TEK: variants seen among roughly 807,000 people sequenced by gnomAD.
The protein encoded by TEK is TEK receptor tyrosine kinase, also known as angiopoietin-1 receptor.
TEK carries 43 observed loss-of-function variants against 131.8 expected under a neutral mutation model. The observed-to-expected ratio is 0.33, with a 90% CI of 0.26 to 0.42. TEK has a LOEUF of 0.42. Among genes scored for constraint, TEK ranks in the 10% least tolerant of loss-of-function variants. TEK has a pLI of 1.00. For synonymous variants in TEK, 580 were observed against 491.6 expected, an observed-to-expected ratio of 1.18 and a Z score of -2.38; for missense variants, 1,162 against 1,384.4, an observed-to-expected ratio of 0.84 and a Z score of 2.55.
chr9:27,116,373 C>T (rs1016858322), intron 1 of TEK, among the ~76,000 whole-genome samples: 1 of 152,048 alleles, frequency 6.6e-6, no homozygotes, highest in Admixed American at 6.6e-5. Flanking sequence ...GCTGCAAGCT[C>T]CACCTCCCCG....
At chr9:27,170,307 A>G (rs1214405206) in intron 4 of TEK, among the ~76,000 whole-genome samples, 1 of 152,152 alleles carries the variant, frequency 6.6e-6, no homozygotes, top group Non-Finnish European at 1.5e-5. Flanking sequence ...AAACCATACC[A>G]GACGGGGACA....
chr9:27,114,270 C>T (rs550189244), intron 1 of TEK, among the ~76,000 whole-genome samples: 7 of 152,224 alleles, frequency 4.6e-5, no homozygotes, highest in Admixed American at 2.0e-4. Flanking sequence ...TCAGTAACAT[C>T]GAAATAATAA....
chr9:27,182,599 C>A (rs1157300642), intron 7 of TEK, among the ~76,000 whole-genome samples: 1 of 152,162 alleles, frequency 6.6e-6, no homozygotes, highest in East Asian at 1.9e-4. Flanking sequence ...TCTGTAGTTA[C>A]TGCTGCTCTG....
chr9:27,144,230 C>T (rs1363739428), intron 1 of TEK, among the ~76,000 whole-genome samples: 2 of 151,924 alleles, frequency 1.3e-5, no homozygotes, highest in Non-Finnish European at 2.9e-5. Context: ...TGCAGTGAGC[C>T]GAGATCACGC....
intron 1 of TEK, among the ~76,000 whole-genome samples, chr9:27,125,624 T>TA (rs1281528641): frequency 2.6e-5 from 4 of 152,194 alleles, no homozygotes; most frequent in African/African-American, 9.6e-5. Flanking sequence ...TGACCTTGGG[T>TA]AAGTTGTTTC....
intron 18 of TEK, among the ~76,000 whole-genome samples, chr9:27,215,979 T>C (rs963608087): frequency 7.2e-5 from 11 of 152,122 alleles, no homozygotes; most frequent in African/African-American, 2.7e-4. Context: ...ACACAGTACA[T>C]ACAGAACCCC....
chr9:27,123,237 C>T (rs566579765), intron 1 of TEK, among the ~76,000 whole-genome samples: 2 of 151,822 alleles, frequency 1.3e-5, no homozygotes, highest in Non-Finnish European at 2.9e-5. Flanking sequence ...GGAGATGTCT[C>T]ACATCCTGGT....
chr9:27,134,514 C>T (rs139198961), intron 1 of TEK, among the ~76,000 whole-genome samples: 200 of 152,274 alleles, frequency 1.3e-3, no homozygotes, highest in African/African-American at 4.0e-3. Context: ...TCAATTTAAC[C>T]TAGTTTCTAT....
At position 27,109,259 on chromosome 9, in the gene TEK, G is replaced by T. The variant is rs1821237427; in HGVS notation, c.-332G>T. 1 of 529,322 alleles carries T rather than the reference G, an allele frequency of 1.9e-6. No homozygotes were observed. Among genetic ancestry groups the T allele is most frequent in the Admixed American group, 3.6e-5 (1 of 28,100 alleles). 32.8% of individuals were successfully genotyped at this position (529,322 alleles called of 1,614,324 possible). Reference sequence around the variant, plus strand: ...TACAGCAGCAGCAAAAGCAGCAGCAGAAGCAACAGCAACAGATAAGTGTTT... The same window carrying T: ...TACAGCAGCAGCAAAAGCAGCAGCATAAGCAACAGCAACAGATAAGTGTTT... On this transcript the variant is annotated 5_prime_UTR_variant, in exon 1 of 23. Transcript: ENST00000380036.
chr9:27,226,801 C>CTGCTTTCAAAAGTAAGATTTATTCG lies in TEK; in HGVS notation c.3201-1405_3201-1404insTGCTTTCAAAAGTAAGATTTATTCG, dbSNP rs1826349024. ...TTACTTTCAAAAGTAAGATTTATTC[C>CTGCTTTCAAAAGTAAGATTTATTCG]AAGGGTAAGAATAATGAACTGTAGT... On this transcript the variant is annotated intron_variant, in intron 21 of 22. Transcript: ENST00000380036. 5.3e-5 allele frequency among the ~76,000 whole-genome samples: 8 copies of CTGCTTTCAAAAGTAAGATTTATTCG among 152,062 alleles called. No individual in the cohort carries two copies. The South Asian group carries it at 1.5e-3, about 28-fold the overall frequency.
intron 4 of TEK, among the ~76,000 whole-genome samples, chr9:27,170,546 G>T (rs955790575): frequency 6.6e-6 from 1 of 152,180 alleles, no homozygotes; most frequent in Admixed American, 6.5e-5. Flanking sequence ...GATAGTTCAA[G>T]CTCGGGAGGT....
intron 6 of TEK, among the ~76,000 whole-genome samples, chr9:27,175,902 G>A (rs998113520): frequency 1.3e-5 from 2 of 152,078 alleles, no homozygotes; most frequent in Non-Finnish European, 2.9e-5. Flanking sequence ...TTTGTCAGAT[G>A]AGTAGGTTGT....
chr9:27,181,603 G>C lies in TEK; in HGVS notation c.1030+1235G>C, dbSNP rs577235416. 2.0e-5 allele frequency among the ~76,000 whole-genome samples: 3 copies of C among 152,084 alleles called. No homozygotes were observed. The South Asian group carries it at 6.2e-4, about 32-fold the overall frequency. On this transcript the variant is annotated intron_variant, in intron 7 of 22. Transcript: ENST00000380036. ...ATTCCTTTTTTATTTCTCACCATCT[G>C]TTATTATAAAGAAAAAAATTTTGGA...
At chr9:27,228,140 T>G in intron 21 of TEK, 66 bp from the exon 22 acceptor site, 1 of 1,375,736 alleles carries the variant, frequency 7.3e-7, no homozygotes, top group Admixed American at 1.7e-5. Flanking sequence ...TCTCCTCTCT[T>G]TTCCTGCCGT....
At chr9:27,187,822 T>G (rs1212359942) in intron 9 of TEK, among the ~76,000 whole-genome samples, 2 of 152,106 alleles carry the variant, frequency 1.3e-5, no homozygotes, top group African/African-American at 4.8e-5. Flanking sequence ...GGGTCTTCCC[T>G]TTGTACTTGT....
intron 1 of TEK, among the ~76,000 whole-genome samples, chr9:27,157,473 T>A (rs1267045812): frequency 6.6e-6 from 1 of 152,228 alleles, no homozygotes; most frequent in Non-Finnish European, 1.5e-5. Context: ...AATTGATAAC[T>A]AATAGTTAAA....
At chr9:27,143,101 T>G (rs2069947148) in intron 1 of TEK, among the ~76,000 whole-genome samples, 1 of 152,226 alleles carries the variant, frequency 6.6e-6, no homozygotes, top group South Asian at 2.1e-4. Flanking sequence ...TGTACAAAGC[T>G]GGGCTTCTGT....
Position 27,185,478 on chromosome 9 carries a change from T to C in TEK, c.1183-7T>C. On this transcript the variant is annotated splice_region_variant and splice_polypyrimidine_tract_variant and intron_variant, in intron 8 of 22. Transcript: ENST00000380036. ...AGTTTTTATTTTTTTGTATTTGACC[T>C]TTTCAGCCAAAAGACTTTAACCATA... The C allele has an allele frequency of 6.2e-7, 1 of 1,613,402 alleles. No individual in the cohort carries two copies. The highest frequency in any genetic ancestry group is 8.5e-7 in the Non-Finnish European group (1 of 1,179,514).
chr9:27,158,007 G>A lies in TEK; in HGVS notation c.229G>A (p.Asp77Asn). Residue 77 changes from aspartate (D) to asparagine (N), a missense_variant, in exon 2 of 23, where the codon GAT becomes AAT. Coordinates refer to ENST00000380036, the MANE Select transcript of TEK (RefSeq NM_000459.5). Reference sequence around the variant, plus strand: ...CCAGGATCCGCTGGAAGTTACTCAAGATGTGACCAGAGAATGGGCTAAAAA... The same window carrying A: ...CCAGGATCCGCTGGAAGTTACTCAAAATGTGACCAGAGAATGGGCTAAAAA... Reference protein sequence around the residue: ...QHQDPLEVTQDVTREWAKKVV... With the variant: ...QHQDPLEVTQNVTREWAKKVV... 1 of 1,614,166 alleles carries A rather than the reference G, an allele frequency of 6.2e-7. No individual in the cohort carries two copies. The highest frequency in any genetic ancestry group is 8.5e-7 in the Non-Finnish European group (1 of 1,180,018).
Sources: allele counts gnomAD v4.1 joint callset (sites outside exome capture counted in the v4.1 genomes callset), GRCh38; gene constraint gnomAD v4.1.1; transcripts MANE v1.5; gene names NCBI Gene and HGNC (gene_info 2026-07-23, HGNC 2026-07-21).